The following OSBPL9 variants were observed in gnomAD, a reference collection of about 807,000 sequenced individuals.
OSBPL9 encodes oxysterol binding protein like 9.
A neutral mutation model predicts 106.6 loss-of-function variants in OSBPL9; 40 were observed. The ratio of observed to expected loss-of-function variants is 0.38; its 90% CI spans 0.29 to 0.49. OSBPL9 has a LOEUF of 0.49. OSBPL9 is among the 20% of genes least tolerant of loss of function. The pLI is 0.97. For synonymous variants in OSBPL9, 269 were observed against 295.4 expected (o/e 0.91, Z 0.92); for missense variants, 609 against 887.2 (o/e 0.69, Z 3.98).
the OSBPL9 span, among the ~76,000 whole-genome samples, chr1:51,558,056 A>G: frequency 2.6e-4 from 39 of 152,264 alleles, no homozygotes; most frequent in Admixed American, 7.2e-4. Context: ...CAAGGCGGGC[A>G]GATCACGAGG....
chr1:51,634,980 T>A (rs1046921850), intron 1 of OSBPL9, among the ~76,000 whole-genome samples: 2 of 152,178 alleles, frequency 1.3e-5, no homozygotes, highest in African/African-American at 4.8e-5. Context: ...TTCAATTATC[T>A]CTCACCAGGT....
chr1:51,630,973 T>A (rs986400722), intron 1 of OSBPL9, among the ~76,000 whole-genome samples: 3 of 152,248 alleles, frequency 2.0e-5, no homozygotes, highest in Non-Finnish European at 4.4e-5. Context: ...CCCAATGGGT[T>A]CTTTCTGCCC....
the OSBPL9 span, among the ~76,000 whole-genome samples, chr1:51,542,540 T>G: frequency 6.6e-6 from 1 of 152,244 alleles, no homozygotes; most frequent in Non-Finnish European, 1.5e-5. Context: ...AAGGCAGCAC[T>G]CGATAGGTAG....
intron 3 of OSBPL9, among the ~76,000 whole-genome samples, chr1:51,681,576 A>C (rs1652571939): frequency 6.6e-6 from 1 of 152,176 alleles, no homozygotes; most frequent in Non-Finnish European, 1.5e-5. Flanking sequence ...TCTACTAATT[A>C]AAGTAATGAT....
rs766366685 is a variant in OSBPL9, at chr1:51,669,423, T to A, written c.163-11T>A. The A allele has an allele frequency of 2.0e-5, 32 of 1,612,882 alleles. No homozygotes were observed. Among genetic ancestry groups the A allele is most frequent in the Non-Finnish European group, 2.7e-5 (32 of 1,179,114 alleles). The stretch of plus-strand genomic sequence containing the variant: ...GTTTGCCTTATTGGGATTTTGCTCT[T>A]TGTTTCACAGGGAGCTGTGATTGGT... On this transcript the variant is annotated splice_polypyrimidine_tract_variant and intron_variant, in intron 2 of 23. Coordinates refer to ENST00000428468, the MANE Select transcript of OSBPL9 (RefSeq NM_024586.6).
At chr1:51,725,639 T>C (rs1662980774) in intron 4 of OSBPL9, among the ~76,000 whole-genome samples, 1 of 152,186 alleles carries the variant, frequency 6.6e-6, no homozygotes, top group Non-Finnish European at 1.5e-5. Flanking sequence ...GCTTCTCAAG[T>C]CCATCCTGTA....
rs1229003274 is a variant in OSBPL9 at position 51,752,360 on chromosome 1, T to C, written c.543+2165T>C. ...ATTCATATTTCTGCCACAAGGAACA[T>C]CTTTGGAAAGACTTTTCCTGACTCC... On this transcript the variant is annotated intron_variant, in intron 8 of 23. Coordinates refer to ENST00000428468, the MANE Select transcript of OSBPL9 (RefSeq NM_024586.6). 1.8e-5 allele frequency: 5 copies of C among 280,864 alleles called. No individual in the cohort carries two copies. The East Asian group carries it at 2.7e-4, about 15-fold the overall frequency. The allele number at this position is 280,864 out of a possible 1,614,324, so 17.4% of individuals were successfully genotyped here.
chr1:51,711,548 C>G (rs1234334587), intron 3 of OSBPL9, among the ~76,000 whole-genome samples: 1 of 131,936 alleles, frequency 7.6e-6, no homozygotes, highest in Non-Finnish European at 1.6e-5. Flanking sequence ...GGGTGGCTGC[C>G]GGGCGGAGAT....
chr1:51,735,860 T>C (rs1665564888), intron 4 of OSBPL9, among the ~76,000 whole-genome samples: 1 of 152,254 alleles, frequency 6.6e-6, no homozygotes, highest in Non-Finnish European at 1.5e-5. Context: ...TTTATTTCAA[T>C]GTGTTTTTCT....
intron 4 of OSBPL9, 49 bp from the exon 5 acceptor site, chr1:51,745,487 A>C (rs1171935301): frequency 1.3e-6 from 2 of 1,589,298 alleles, no homozygotes; most frequent in Non-Finnish European, 8.6e-7. Flanking sequence ...TTGTACTATT[A>C]AACTTTGCTT....
intron 8 of OSBPL9, chr1:51,752,547 A>C (rs1233961397): frequency 2.2e-6 from 1 of 455,942 alleles, no homozygotes; most frequent in African/African-American, 2.0e-5. Flanking sequence ...CACTTGTATT[A>C]GTCTGCATGG....
chr1:51,562,169 G>T, the OSBPL9 span: 2 of 152,210 alleles, frequency 1.3e-5, no homozygotes, highest in African/African-American at 4.8e-5. Context: ...CCCCAGTGTT[G>T]GAGGTGAGGC....
At chr1:51,744,979 T>G (rs1179557053) in intron 4 of OSBPL9, 1 of 153,894 alleles carries the variant, frequency 6.5e-6, no homozygotes, top group Non-Finnish European at 1.4e-5. Flanking sequence ...AGGACAGGTG[T>G]TGTTACTTTC....
the OSBPL9 span, among the ~76,000 whole-genome samples, chr1:51,542,750 T>C: frequency 1.3e-5 from 2 of 152,246 alleles, no homozygotes; most frequent in African/African-American, 4.8e-5. Flanking sequence ...TGGACCAAAG[T>C]TCAAAATCTA....
intron 1 of OSBPL9, among the ~76,000 whole-genome samples, chr1:51,579,593 A>G (rs867153554): frequency 6.6e-6 from 1 of 152,138 alleles, no homozygotes; most frequent in Admixed American, 6.5e-5. Flanking sequence ...TTTTCTAGAC[A>G]TAATAAAAGA....
chr1:51,781,963 G>A (rs1339267679), intron 16 of OSBPL9, among the ~76,000 whole-genome samples: 1 of 152,072 alleles, frequency 6.6e-6, no homozygotes, highest in Non-Finnish European at 1.5e-5. Flanking sequence ...TCTGAGATGG[G>A]GATGGGGCTT....
intron 1 of OSBPL9, among the ~76,000 whole-genome samples, chr1:51,646,498 C>G (rs1393059548): frequency 6.6e-6 from 1 of 152,020 alleles, no homozygotes; most frequent in African/African-American, 2.4e-5. Context: ...TTTATTAGCT[C>G]TAATAGTTTG....
chr1:51,783,759 A>C (rs1676952219), intron 17 of OSBPL9, among the ~76,000 whole-genome samples, 156 bp from the exon 18 acceptor site: 1 of 152,158 alleles, frequency 6.6e-6, no homozygotes, highest in Non-Finnish European at 1.5e-5. Flanking sequence ...ATTGGGGAAA[A>C]GGGTATAAAA....
At chr1:51,618,135 T>C (rs1333652853) in intron 1 of OSBPL9, among the ~76,000 whole-genome samples, 3 of 151,998 alleles carry the variant, frequency 2.0e-5, no homozygotes, top group Non-Finnish European at 4.4e-5. Context: ...CTCCTGCCTC[T>C]GGCCTCCCTA....
Sources: gnomAD v4.1 joint callset for allele counts (sites outside exome capture counted in the v4.1 genomes callset) on GRCh38, gnomAD v4.1.1 for gene constraint, MANE v1.5 for transcripts, NCBI Gene and HGNC (gene_info 2026-07-23, HGNC 2026-07-21) for gene names.